The following FOXP2 variants were observed in gnomAD, a reference collection of about 807,000 sequenced individuals.
FOXP2 encodes forkhead box P2, also known as forkhead box protein P2.
In FOXP2, 12 loss-of-function variants were observed where a neutral mutation model predicts 115.8. The observed-to-expected ratio is 0.10, with a 90% CI of 0.07 to 0.17. The LOEUF (loss-of-function observed/expected upper bound fraction) is 0.17. Ranked by LOEUF, FOXP2 falls within the 10% of genes least tolerant of loss-of-function variation. The pLI is 1.00. For synonymous variants in FOXP2, 328 were observed against 297.7 expected (o/e 1.10, Z -1.05); for missense variants, 629 against 843.5 (o/e 0.75, Z 3.15).
chr7:114,562,774 GTT>G lies in FOXP2; in HGVS notation c.258+28077_258+28078del, dbSNP rs5886714. Among the ~76,000 whole-genome samples, 165 of 150,678 alleles carry G rather than the reference GTT, an allele frequency of 1.1e-3. No individual in the cohort carries two copies. The South Asian group carries it at 0.014, about 13-fold the overall frequency. Reference sequence around the variant, plus strand: ...TATATCAGACAATTATCTTAACCCTGTTTTTTTTTTCTTCATCATTAGGCCAT... The same window carrying G: ...TATATCAGACAATTATCTTAACCCTGTTTTTTTTCTTCATCATTAGGCCAT... On this transcript the variant is annotated intron_variant, in intron 3 of 16. Transcript: ENST00000350908.
intron 2 of FOXP2, among the ~76,000 whole-genome samples, chr7:114,361,227 A>T (rs894966904): frequency 6.6e-6 from 1 of 152,140 alleles, no homozygotes; most frequent in African/African-American, 2.4e-5. Context: ...TTAAATGTCA[A>T]TAAGAACTTG....
At chr7:114,411,557 T>C (rs139911383), upstream of FOXP2, among the ~76,000 whole-genome samples, 5 of 152,152 alleles carry the variant, frequency 3.3e-5, no homozygotes, top group African/African-American at 1.2e-4. Flanking sequence ...TGTTAAAATA[T>C]GTATTTCATC....
intron 2 of FOXP2, among the ~76,000 whole-genome samples, chr7:114,334,939 A>ATATATATATTTTATATATATAGAAATC (rs1797810536): frequency 6.9e-6 from 1 of 143,968 alleles, no homozygotes; most frequent in African/African-American, 2.5e-5. Flanking sequence ...ATCTATATAT[A>ATATATATATTTTATATATATAGAAATC]TATATATATA....
At chr7:114,235,167 A>G (rs1794978895) in intron 1 of FOXP2, among the ~76,000 whole-genome samples, 1 of 152,092 alleles carries the variant, frequency 6.6e-6, no homozygotes, top group Non-Finnish European at 1.5e-5. Context: ...ATACTTGTTG[A>G]TGAATAAATG....
At chr7:114,247,447 A>C (rs1323354434) in intron 1 of FOXP2, among the ~76,000 whole-genome samples, 1 of 152,070 alleles carries the variant, frequency 6.6e-6, no homozygotes, top group Non-Finnish European at 1.5e-5. Context: ...ACACTCAGTT[A>C]GTGACAAAAT....
intron 1 of FOXP2, among the ~76,000 whole-genome samples, chr7:114,423,161 C>G (rs1443181645): frequency 2.6e-5 from 4 of 151,696 alleles, no homozygotes; most frequent in Admixed American, 6.6e-5. Flanking sequence ...ATGCTTCACT[C>G]ATTCTTGCGT....
At chr7:114,193,434 T>A (rs1476693765) in intron 1 of FOXP2, among the ~76,000 whole-genome samples, 1 of 151,810 alleles carries the variant, frequency 6.6e-6, no homozygotes, top group East Asian at 1.9e-4. Flanking sequence ...TCAATGTATA[T>A]TAAACTGTAA....
chr7:114,682,170 A>G lies in FOXP2; in HGVS notation c.2004-7612A>G, dbSNP rs2129350657. Among the ~76,000 whole-genome samples, 2 of 152,234 alleles carry G rather than the reference A, an allele frequency of 1.3e-5. 1 individual carries two copies. The highest frequency in any genetic ancestry group is 4.1e-4 in the South Asian group (2 of 4,824). On this transcript the variant is annotated intron_variant, in intron 16 of 16. Coordinates refer to ENST00000350908, the MANE Select transcript of FOXP2 (RefSeq NM_014491.4). ...TACAGAGAGGTTAAGTAGCTTTTCC[A>G]AGGTTGCATAGCTAGGAAGTAAAGG...
intron 2 of FOXP2, among the ~76,000 whole-genome samples, chr7:114,467,695 G>T (rs780395105): frequency 1.3e-5 from 2 of 152,016 alleles, no homozygotes; most frequent in Non-Finnish European, 2.9e-5. Flanking sequence ...AGGAGGATGG[G>T]AACAAGAAAA....
intron 3 of FOXP2, among the ~76,000 whole-genome samples, chr7:114,600,168 C>T (rs1026790012): frequency 1.1e-4 from 16 of 152,128 alleles, no homozygotes; most frequent in African/African-American, 3.4e-4. Flanking sequence ...CTGTATTCCA[C>T]CTTATTGTTC....
chr7:114,541,812 G>T (rs1037353490), intron 3 of FOXP2, among the ~76,000 whole-genome samples: 4 of 151,068 alleles, frequency 2.6e-5, no homozygotes, highest in Non-Finnish European at 5.9e-5. Flanking sequence ...TAATCCATTA[G>T]GATTTTAAGT....
At chr7:114,278,641 A>G (rs1335751835) in intron 1 of FOXP2, among the ~76,000 whole-genome samples, 1 of 152,260 alleles carries the variant, frequency 6.6e-6, no homozygotes, top group Non-Finnish European at 1.5e-5. Flanking sequence ...GGCGTGAGCC[A>G]CCGCACTGAC....
At chr7:114,328,516 G>A (rs939894123) in intron 2 of FOXP2, among the ~76,000 whole-genome samples, 1 of 151,938 alleles carries the variant, frequency 6.6e-6, no homozygotes, top group Admixed American at 6.6e-5. Context: ...GATTACAGGC[G>A]TGAGCCACCG....
intron 2 of FOXP2, among the ~76,000 whole-genome samples, chr7:114,511,293 A>G (rs912579105): frequency 6.6e-5 from 10 of 152,178 alleles, no homozygotes; most frequent in Admixed American, 6.5e-4. Context: ...ACCATGGCAC[A>G]TGTATACCTA....
chr7:114,185,388 T>C (rs1392053997), intron 1 of FOXP2, among the ~76,000 whole-genome samples: 1 of 152,162 alleles, frequency 6.6e-6, no homozygotes, highest in East Asian at 1.9e-4. Flanking sequence ...AGTTGCTTAA[T>C]ATCTCTGGGC....
chr7:114,464,012 C>A (rs1795700267), intron 2 of FOXP2, among the ~76,000 whole-genome samples: 1 of 152,016 alleles, frequency 6.6e-6, no homozygotes, highest in Non-Finnish European at 1.5e-5. Flanking sequence ...AAGCAAATAC[C>A]ATTAAAAAGG....
chr7:114,668,846 A>G (rs1166144786), intron 16 of FOXP2: 1 of 152,170 alleles, frequency 6.6e-6, no homozygotes, highest in South Asian at 2.1e-4. Flanking sequence ...GAAGAATCAA[A>G]TTGGAGATTA....
chr7:114,217,005 C>T (rs999268304), intron 1 of FOXP2, among the ~76,000 whole-genome samples: 1 of 152,098 alleles, frequency 6.6e-6, no homozygotes, highest in Non-Finnish European at 1.5e-5. Context: ...TTGGCAACTA[C>T]ATTCATGATT....
intron 2 of FOXP2, among the ~76,000 whole-genome samples, chr7:114,478,900 G>A (rs1390800346): frequency 6.6e-6 from 1 of 151,460 alleles, no homozygotes; most frequent in African/African-American, 2.4e-5. Flanking sequence ...GTATTATATG[G>A]TAAAGGCTTG....
Sources: allele counts gnomAD v4.1 joint callset (sites outside exome capture counted in the v4.1 genomes callset), GRCh38; gene constraint gnomAD v4.1.1; transcripts MANE v1.5; gene names NCBI Gene and HGNC (gene_info 2026-07-23, HGNC 2026-07-21).